Variants in DOCK1 observed in about 807,000 individuals in gnomAD.
DOCK1 encodes dedicator of cytokinesis protein 1.
A neutral mutation model predicts 262.7 loss-of-function variants in DOCK1; 138 were observed. That is an observed-to-expected ratio of 0.53 (90% CI 0.46 to 0.61). The LOEUF (loss-of-function observed/expected upper bound fraction) is 0.61, where lower values mean the gene tolerates loss of function less well. DOCK1 is among the 20% of genes least tolerant of loss of function. The pLI is 0.00. For synonymous variants in DOCK1, 866 were observed against 867.4 expected, an observed-to-expected ratio of 1.00 and a Z score of 0.03; for missense variants, 1,908 against 2,370.7, an observed-to-expected ratio of 0.80 and a Z score of 4.05.
intron 3 of DOCK1, among the ~76,000 whole-genome samples, chr10:126,981,543 C>G (rs1052208689): frequency 6.6e-6 from 1 of 152,166 alleles, no homozygotes; most frequent in African/African-American, 2.4e-5. Flanking sequence ...GTGGTGTAAA[C>G]CAACTTTCAT....
At chr10:127,362,427 T>C (rs2296634) in intron 33 of DOCK1, among the ~76,000 whole-genome samples, 37,935 of 152,188 alleles carry the variant, frequency 0.25, 4,698 homozygotes, top group South Asian at 0.27. Context: ...TCTCAATTTT[T>C]AGCTCTTACT....
chr10:127,022,134 G>GT (rs912569056), intron 13 of DOCK1, among the ~76,000 whole-genome samples: 25 of 151,440 alleles, frequency 1.7e-4, no homozygotes, highest in South Asian at 2.1e-4. Context: ...CATTTCTTGC[G>GT]TTTTTTTTAC....
intron 19 of DOCK1, among the ~76,000 whole-genome samples, chr10:127,042,141 G>A (rs527771202): frequency 1.3e-5 from 2 of 152,332 alleles, no homozygotes; most frequent in Admixed American, 6.5e-5. Context: ...GGATACTGCT[G>A]TGTATTCCAG....
At chr10:127,026,542 C>A in intron 16 of DOCK1, 118 bp downstream of exon 16, 2 of 867,250 alleles carry the variant, frequency 2.3e-6, no homozygotes, top group Non-Finnish European at 3.7e-6. Flanking sequence ...AGGCTCATTT[C>A]CCACCGGAAC....
chr10:127,137,028 G>C (rs772080328), intron 27 of DOCK1: 1 of 152,502 alleles, frequency 6.6e-6, no homozygotes, highest in African/African-American at 2.4e-5. Context: ...GTATTATTTG[G>C]CCTTTGGGTA....
chr10:127,004,729 C>G (rs575807560), intron 10 of DOCK1, among the ~76,000 whole-genome samples: 1 of 149,110 alleles, frequency 6.7e-6, no homozygotes, highest in Non-Finnish European at 1.5e-5. Context: ...CCAGCCTGGG[C>G]TACAGAGTCA....
chr10:127,002,677 G>GCC (rs2040679320), intron 10 of DOCK1, among the ~76,000 whole-genome samples: 1 of 152,182 alleles, frequency 6.6e-6, no homozygotes, highest in Admixed American at 6.5e-5. Flanking sequence ...TGTTTCTGGA[G>GCC]CCCCTACCTG....
chr10:127,321,272 CGG>C, intron 29 of DOCK1, among the ~76,000 whole-genome samples: 1 of 131,810 alleles, frequency 7.6e-6, no homozygotes, highest in African/African-American at 2.9e-5. Flanking sequence ...CTCCTCCCCT[CGG>C]CCCTATCCTC....
At chr10:127,085,499 C>G (rs1373762916) in intron 23 of DOCK1, among the ~76,000 whole-genome samples, 1 of 152,202 alleles carries the variant, frequency 6.6e-6, no homozygotes, top group East Asian at 1.9e-4. Flanking sequence ...GTGGCTCATG[C>G]CTGTAATCCC....
rs796816666 is a variant in DOCK1 at position 127,337,101 on chromosome 10, G to GA, written c.3045-1897dup. Reference sequence around the variant, plus strand: ...TAAACCTGAAGGAAAAAATTAAGGGGAAAAAAAATTGTGTTAGTGGTCAGA... The same window carrying GA: ...TAAACCTGAAGGAAAAAATTAAGGGGAAAAAAAAATTGTGTTAGTGGTCAGA... On this transcript the variant is annotated intron_variant, in intron 29 of 51. Coordinates refer to ENST00000623213, the MANE Select transcript of DOCK1 (RefSeq NM_001290223.2). Among the ~76,000 whole-genome samples the GA allele has an allele frequency of 7.9e-5, 12 of 152,028 alleles. 2 individuals carry two copies. The highest frequency in any genetic ancestry group is 4.2e-4 in the South Asian group (2 of 4,814).
intron 23 of DOCK1, among the ~76,000 whole-genome samples, chr10:127,079,119 T>C (rs1180910637): frequency 1.3e-5 from 2 of 152,206 alleles, no homozygotes; most frequent in African/African-American, 2.4e-5. Flanking sequence ...CTGACACTCA[T>C]GTAACCCACA....
intron 39 of DOCK1, among the ~76,000 whole-genome samples, 178 bp downstream of exon 39, chr10:127,403,322 A>G (rs1263607075): frequency 1.3e-5 from 2 of 152,226 alleles, no homozygotes; most frequent in East Asian, 1.9e-4. Context: ...TATTTGGCCC[A>G]TAAATATTTA....
intron 27 of DOCK1, among the ~76,000 whole-genome samples, chr10:127,229,574 T>G (rs2058765146): frequency 6.6e-6 from 1 of 152,178 alleles, no homozygotes; most frequent in African/African-American, 2.4e-5. Flanking sequence ...TTCCACCTTT[T>G]TTAAGGCTGA....
intron 1 of DOCK1, among the ~76,000 whole-genome samples, chr10:126,932,954 T>G (rs1405729611): frequency 2.0e-5 from 3 of 152,054 alleles, no homozygotes; most frequent in Non-Finnish European, 4.4e-5. Context: ...TATGTGTCCT[T>G]CAGTCCTTTT....
At chr10:127,297,218 C>T (rs1043420762) in intron 29 of DOCK1, among the ~76,000 whole-genome samples, 10 of 152,238 alleles carry the variant, frequency 6.6e-5, no homozygotes, top group South Asian at 6.2e-4. Flanking sequence ...TGGAGGAACA[C>T]GGTCATTGAC....
chr10:127,096,697 C>T (rs535080379), intron 23 of DOCK1, among the ~76,000 whole-genome samples: 2 of 151,798 alleles, frequency 1.3e-5, no homozygotes, highest in African/African-American at 4.8e-5. Flanking sequence ...GAGACACTTA[C>T]AACCTTAAGC....
At chr10:127,392,535 C>T (rs1038400733) in intron 38 of DOCK1, among the ~76,000 whole-genome samples, 2 of 152,216 alleles carry the variant, frequency 1.3e-5, no homozygotes, top group Non-Finnish European at 2.9e-5. Flanking sequence ...CACACATACA[C>T]AGGCACGGGG....
Position 127,276,371 on chromosome 10 carries a change from G to A in DOCK1, c.3044+18942G>A, listed in dbSNP as rs576626024. Among the ~76,000 whole-genome samples the A allele has an allele frequency of 3.3e-5, 5 of 152,216 alleles. No homozygotes were observed. The East Asian group carries it at 5.8e-4, about 18-fold the overall frequency. Reference sequence around the variant, plus strand: ...GCTTAGGGATATTTGGGAGGGGACAGGGGGGACAGGCAGCATTAAGCATCC... The same window carrying A: ...GCTTAGGGATATTTGGGAGGGGACAAGGGGGACAGGCAGCATTAAGCATCC... On this transcript the variant is annotated intron_variant, in intron 29 of 51. Transcript: ENST00000623213.
At position 127,446,878 on chromosome 10, in the gene DOCK1, T is replaced by C. The variant is rs1429919883; in HGVS notation, c.5414-516T>C. ...GTGACTGCTATGGCTAATGACTTCA[T>C]GTCATACGACTGTGGATTTTCCTGT... On this transcript the variant is annotated intron_variant, in intron 50 of 51. Transcript: ENST00000623213. The surrounding 1 kb of genome is among the most constrained non-coding windows in gnomAD (Gnocchi z 4.4). Among the ~76,000 whole-genome samples the C allele has an allele frequency of 4.6e-5, 7 of 152,350 alleles. No individual in the cohort carries two copies. Among genetic ancestry groups the C allele is most frequent in the Admixed American group, 3.3e-4 (5 of 15,304 alleles).
Sources: allele counts gnomAD v4.1 joint callset (sites outside exome capture counted in the v4.1 genomes callset), GRCh38; gene constraint gnomAD v4.1.1; non-coding constraint Gnocchi (gnomAD v3.1); transcripts MANE v1.5; gene names NCBI Gene and HGNC (gene_info 2026-07-23, HGNC 2026-07-21).